The following IRX2 variants were observed in gnomAD, a reference collection of about 807,000 sequenced individuals.
IRX2 encodes iroquois-class homeodomain protein IRX-2.
A neutral mutation model predicts 42.9 loss-of-function variants in IRX2; 26 were observed. The observed-to-expected ratio is 0.61, with a 90% CI of 0.44 to 0.84. The LOEUF (loss-of-function observed/expected upper bound fraction) is 0.84. IRX2 is among the 40% of genes least tolerant of loss of function. The pLI is 0.00. For synonymous variants in IRX2, 424 were observed against 353.9 expected, an observed-to-expected ratio of 1.20 and a Z score of -2.22; for missense variants, 782 against 713.9, an observed-to-expected ratio of 1.10 and a Z score of -1.09.
downstream of IRX2, among the ~76,000 whole-genome samples, chr5:2,744,076 G>A (rs1396339883): frequency 6.3e-4 from 5 of 7,906 alleles, no homozygotes; most frequent in African/African-American, 8.0e-4. Context: ...ATGGAGTCGT[G>A]TGTGTGTGTG....
chr5:2,750,156 C>T (rs990301896), intron 1 of IRX2, among the ~76,000 whole-genome samples: 1 of 152,090 alleles, frequency 6.6e-6, no homozygotes, highest in Non-Finnish European at 1.5e-5. Context: ...GTGCGGCTGC[C>T]TCCCCCTACT....
rs375451332 is a variant in IRX2 at position 2,748,872 on chromosome 5, G to C, written c.836C>G (p.Pro279Arg). 1.3e-6 allele frequency: 2 copies of C among 1,593,036 alleles called. No homozygotes were observed. The highest frequency in any genetic ancestry group is 1.7e-6 in the Non-Finnish European group (2 of 1,178,008). ...CGGCGACGAGGTCACGGGCTTGGGC[G>C]GCGCCAGGCCCCGCTCGCCCTCCTC... ...DDEEGERGLA[P>R]PKPVTSSPLT... Residue 279 changes from proline to arginine, a missense_variant, in exon 3 of 4, where the codon CCG becomes CGG. Transcript: ENST00000302057.
At position 2,749,187 on chromosome 5, in the gene IRX2, G is replaced by A. The variant is rs1308241192; in HGVS notation, c.656-135C>T. On this transcript the variant is annotated intron_variant, in intron 2 of 3. Coordinates refer to ENST00000302057, the MANE Select transcript of IRX2 (RefSeq NM_033267.5). Reference sequence around the variant, plus strand: ...TCGCCCCCACCCGGCCACGTGACAGGCGGAGCCTGACCTCCCCGGGAAGGG... The same window carrying A: ...TCGCCCCCACCCGGCCACGTGACAGACGGAGCCTGACCTCCCCGGGAAGGG... The A allele has an allele frequency of 4.8e-6, 7 of 1,472,392 alleles. No homozygotes were observed. In the East Asian group the frequency reaches 1.5e-4, roughly 31 times the overall value. The allele number at this position is 1,472,392 out of a possible 1,614,324, so 91.2% of individuals were successfully genotyped here. A position where few individuals can be genotyped will look rare whatever the true frequency, so the allele number is the denominator to read the frequency against.
intron 3 of IRX2, 100 bp downstream of exon 3, chr5:2,748,245 A>G: frequency 8.8e-7 from 1 of 1,134,740 alleles, no homozygotes; most frequent in East Asian, 3.3e-5. Flanking sequence ...GGCCCCCTGG[A>G]TCTTCTTCCC....
At chr5:2,749,094 G>A (rs776273048) in intron 2 of IRX2, 42 bp from the exon 3 acceptor site, 1 of 1,580,854 alleles carries the variant, frequency 6.3e-7, no homozygotes, top group Non-Finnish European at 8.5e-7. Flanking sequence ...AGGGGACAGC[G>A]CAGGCACCTG....
At chr5:2,743,767 C>T (rs1033409421), downstream of IRX2, among the ~76,000 whole-genome samples, 3 of 152,226 alleles carry the variant, frequency 2.0e-5, no homozygotes, top group Non-Finnish European at 4.4e-5. Flanking sequence ...CTCTCTTTCT[C>T]TCTCCTTCCT....
At chr5:2,748,205 C>G in intron 3 of IRX2, 140 bp downstream of exon 3, 1 of 696,074 alleles carries the variant, frequency 1.4e-6, no homozygotes, top group Non-Finnish European at 2.1e-6. Context: ...GCCCTCCGCC[C>G]TCACTCTGCT....
Position 2,749,581 on chromosome 5 carries a change from G to T in IRX2, c.456C>A (p.Ile152=), listed in dbSNP as rs138798600. Residue 152 remains isoleucine (I), a synonymous_variant, in exon 2 of 4, where the codon ATC becomes ATA. Transcript: ENST00000302057. ...CCTGGGTGAGGGTCATCTTGGTGAT[G>T]ATGGCTAGCATGATCTTCTCGCCCT... ...PTKGEKIMLA[I]ITKMTLTQVS... 2 of 1,614,246 alleles carry T rather than the reference G, an allele frequency of 1.2e-6. No individual in the cohort carries two copies. The highest frequency in any genetic ancestry group is 1.7e-6 in the Non-Finnish European group (2 of 1,180,046).
chr5:2,747,319 ATTT>A lies in IRX2; in HGVS notation c.*242_*244del, dbSNP rs34380307. On this transcript the variant is annotated 3_prime_UTR_variant, in exon 4 of 4. Coordinates refer to ENST00000302057, the MANE Select transcript of IRX2 (RefSeq NM_033267.5). ...CACACACACACACATATATATATATATTTTTTTTTTCCTTCCCTAGGTAAAGGA... is the reference window on the plus strand; with the variant it reads ...CACACACACACACATATATATATATATTTTTTTCCTTCCCTAGGTAAAGGA... The A allele has an allele frequency of 0.013, 3,910 of 293,706 alleles. 53 individuals carry two copies. Among genetic ancestry groups the A allele is most frequent in the African/African-American group, 0.045 (2,077 of 45,726 alleles). The allele number at this position is 293,706 out of a possible 1,614,324, so 18.2% of individuals were successfully genotyped here.
downstream of IRX2, among the ~76,000 whole-genome samples, chr5:2,741,149 G>A (rs1412461754): frequency 6.6e-6 from 1 of 152,234 alleles, no homozygotes; most frequent in Non-Finnish European, 1.5e-5. Context: ...AAAAACAAAA[G>A]TTCTCCCCGA....
rs751032410 is a variant in IRX2, at chr5:2,751,181, C to CCGGCGG, written c.227_232dup (p.Ala76_Ala77dup). The CCGGCGG allele has an allele frequency of 6.6e-5, 84 of 1,266,556 alleles. No individual in the cohort carries two copies. The highest frequency in any genetic ancestry group is 3.0e-4 in the Admixed American group (7 of 23,206). The allele number at this position is 1,266,556 out of a possible 1,614,324, so 78.5% of individuals were successfully genotyped here. A position where few individuals can be genotyped will look rare whatever the true frequency, so the allele number is the denominator to read the frequency against. On this transcript the variant is annotated inframe_insertion, in exon 1 of 4. Transcript: ENST00000302057. The surrounding 1 kb of genome is among the most constrained non-coding windows in gnomAD (Gnocchi z 4.0). ...CCCGGTTACCATGTAGGACGGGAAG[C>CCGGCGG]CGGCGGCGGCGGCGGCGGCGTCGGC...
chr5:2,749,126 C>G (rs1369723424), intron 2 of IRX2, 74 bp from the exon 3 acceptor site: 1 of 1,543,278 alleles, frequency 6.5e-7, no homozygotes, highest in African/African-American at 1.4e-5. Flanking sequence ...GCCCCCTGTC[C>G]TGCGGCACTG....
Position 2,748,549 on chromosome 5 carries a change from G to C in IRX2, c.1159C>G (p.Pro387Ala), listed in dbSNP as rs763455495. ...LLGRPLYYTS[P>A]FYGNYTNYGN... The stretch of plus-strand genomic sequence containing the variant: ...TAGTTTGTGTAGTTGCCGTAGAAGG[G>C]CGACGTGTAGTAGAGGGGGCGGCCC... The change falls in exon 3 of 4, where the codon CCC (proline) becomes GCC (alanine). Residue 387 changes from proline (P) to alanine (A), a missense_variant. Pro to Ala is a conservative substitution (Grantham distance 27). Coordinates refer to ENST00000302057, the MANE Select transcript of IRX2 (RefSeq NM_033267.5). 5 of 1,576,528 alleles carry C rather than the reference G, an allele frequency of 3.2e-6. No homozygotes were observed. The highest frequency in any genetic ancestry group is 4.3e-6 in the Non-Finnish European group (5 of 1,162,870).
Position 2,748,569 on chromosome 5 carries a change from C to G in IRX2, c.1139G>C (p.Arg380Pro). ...GAAGGGCGACGTGTAGTAGAGGGGG[C>G]GGCCCAGCAGCGGCGAGGCAGGGTA... ...SPYPASPLLG[R>P]PLYYTSPFYG... The change falls in exon 3 of 4, where the codon CGC (arginine) becomes CCC (proline). Residue 380 changes from arginine to proline, a missense_variant. Arg to Pro is a moderately radical substitution (Grantham distance 103). Around this residue, in one of 3 missense-constraint regions of IRX2, gnomAD observed 520 missense variants for 437.8 expected, o/e 1.19. Transcript: ENST00000302057. 1.1e-5 allele frequency: 17 copies of G among 1,565,894 alleles called. No homozygotes were observed. Among genetic ancestry groups the G allele is most frequent in the Non-Finnish European group, 1.5e-5 (17 of 1,158,458 alleles).
At chr5:2,736,196 T>C in the IRX2 span, among the ~76,000 whole-genome samples, 2 of 152,192 alleles carry the variant, frequency 1.3e-5, no homozygotes, top group Admixed American at 1.3e-4. Flanking sequence ...AGGTGATGTG[T>C]GCAGGTGGGA....
Position 2,751,258 on chromosome 5 carries a change from CG to C in IRX2, c.155del (p.Ala52GlyfsTer43). On this transcript the variant is annotated frameshift_variant, in exon 1 of 4. Transcript: ENST00000302057. LOFTEE classifies it high-confidence loss of function. The surrounding 1 kb of genome is among the most constrained non-coding windows in gnomAD (Gnocchi z 4.0). ...GSAFSPYPGS[A>X]AFTAQAATGF... ...CGGTGGCCGCCTGCGCCGTGAAGGC[CG>C]CCGAGCCCGGGTAGGGGCTGAACGC... 1 of 1,406,570 alleles carries C rather than the reference CG, an allele frequency of 7.1e-7. No homozygotes were observed. 87.1% of individuals were successfully genotyped at this position (1,406,570 alleles called of 1,614,324 possible). A position where few individuals can be genotyped will look rare whatever the true frequency, so the allele number is the denominator to read the frequency against.
the IRX2 span, among the ~76,000 whole-genome samples, chr5:2,738,444 A>T: frequency 1.3e-5 from 2 of 152,172 alleles, no homozygotes; most frequent in African/African-American, 4.8e-5. Flanking sequence ...ATGGCCTCCT[A>T]TTTAAATAAA....
At chr5:2,744,606 A>T (rs946115171), downstream of IRX2, among the ~76,000 whole-genome samples, 9 of 152,188 alleles carry the variant, frequency 5.9e-5, no homozygotes, top group African/African-American at 2.2e-4. Flanking sequence ...CAGACCTCAG[A>T]TGTGTTTGTT....
Position 2,748,466 on chromosome 5 carries a change from G to A in IRX2, c.1242C>T (p.Ala414=). The stretch of plus-strand genomic sequence containing the variant: ...TGTGCAGGGCCTCGCCGGGGGCCGC[G>A]GCCGCAGAGTTGTACCGCAGGAGAC... The part of the protein sequence containing the change: ...GQGLLRYNSA[A]AAPGEALHTA... Residue 414 remains alanine, a synonymous_variant, in exon 3 of 4, where the codon GCC becomes GCT. Transcript: ENST00000302057. 6.4e-7 allele frequency: 1 copy of A among 1,572,172 alleles called. No individual in the cohort carries two copies. The highest frequency in any genetic ancestry group is 2.5e-5 in the East Asian group (1 of 39,460).
Sources: allele counts gnomAD v4.1 joint callset (sites outside exome capture counted in the v4.1 genomes callset), GRCh38; gene constraint gnomAD v4.1.1; regional missense constraint gnomAD v4.1.1; non-coding constraint Gnocchi (gnomAD v3.1); transcripts MANE v1.5; gene names NCBI Gene and HGNC (gene_info 2026-07-23, HGNC 2026-07-21).